SLC30A9: variants seen among roughly 807,000 people sequenced by gnomAD.
The protein encoded by SLC30A9 is proton-coupled zinc antiporter SLC30A9, mitochondrial.
Under a neutral mutation model 87.5 loss-of-function variants are expected in SLC30A9, and 58 were observed. That is an observed-to-expected ratio of 0.66 (90% CI 0.54 to 0.82). SLC30A9 has a LOEUF of 0.82. Among genes scored for constraint, SLC30A9 ranks in the 40% least tolerant of loss-of-function variants. SLC30A9 has a pLI of 0.00. For synonymous variants in SLC30A9, 234 were observed against 233.0 expected, an observed-to-expected ratio of 1.00 and a Z score of -0.04; for missense variants, 557 against 679.1, an observed-to-expected ratio of 0.82 and a Z score of 2.00.
chr4:42,002,164 T>C (rs566113679), intron 2 of SLC30A9, among the ~76,000 whole-genome samples: 7 of 152,080 alleles, frequency 4.6e-5, no homozygotes, highest in Non-Finnish European at 4.4e-5. Flanking sequence ...TTTTTTTACT[T>C]TGAACCATTA....
chr4:42,032,422 G>T (rs533981047), intron 6 of SLC30A9, among the ~76,000 whole-genome samples: 1 of 152,302 alleles, frequency 6.6e-6, no homozygotes, highest in Non-Finnish European at 1.5e-5. Context: ...GTAACTAGAA[G>T]CCTTGGAGTA....
intron 8 of SLC30A9, among the ~76,000 whole-genome samples, chr4:42,048,287 A>G (rs1717251276): frequency 1.3e-5 from 2 of 152,182 alleles, no homozygotes; most frequent in South Asian, 4.1e-4. Context: ...TGCTCCCAGG[A>G]GGTTAAGAGA....
At chr4:42,019,221 G>A (rs1282266829) in intron 3 of SLC30A9, among the ~76,000 whole-genome samples, 3 of 152,128 alleles carry the variant, frequency 2.0e-5, no homozygotes, top group Non-Finnish European at 4.4e-5. Context: ...AATAGAACAT[G>A]AAGTGAATAG....
At chr4:42,063,604 A>G (rs1034122565) in intron 11 of SLC30A9, among the ~76,000 whole-genome samples, 8 of 152,362 alleles carry the variant, frequency 5.3e-5, no homozygotes, top group Admixed American at 3.9e-4. Context: ...GATCACCCGT[A>G]TGATCCCCTC....
chr4:42,003,215 T>A (rs114205849), intron 2 of SLC30A9, among the ~76,000 whole-genome samples: 2,005 of 152,306 alleles, frequency 0.013, 23 homozygotes, highest in South Asian at 0.023. Flanking sequence ...TCTTGAAATT[T>A]GTTGAGTGTA....
chr4:42,067,265 CTT>C (rs1382053520), intron 14 of SLC30A9, 73 bp downstream of exon 14: 3 of 932,220 alleles, frequency 3.2e-6, no homozygotes, highest in African/African-American at 3.3e-5. Context: ...GGAATTTTCT[CTT>C]ATATCATTGA....
intron 7 of SLC30A9, among the ~76,000 whole-genome samples, chr4:42,037,815 G>A (rs1383892004): frequency 6.6e-6 from 1 of 152,086 alleles, no homozygotes; most frequent in African/African-American, 2.4e-5. Context: ...TTGAGACAGA[G>A]TATTGCTGTG....
At chr4:42,037,143 C>T (rs1577700106) in intron 7 of SLC30A9, among the ~76,000 whole-genome samples, 1 of 151,894 alleles carries the variant, frequency 6.6e-6, no homozygotes, top group Non-Finnish European at 1.5e-5. Context: ...TACTGTACCC[C>T]TATTCCCTTT....
chr4:42,010,978 A>AC (rs1194468030), intron 2 of SLC30A9, among the ~76,000 whole-genome samples: 1 of 151,790 alleles, frequency 6.6e-6, no homozygotes, highest in Non-Finnish European at 1.5e-5. Context: ...TTATCCACCC[A>AC]CCCCCACAGA....
intron 8 of SLC30A9, among the ~76,000 whole-genome samples, chr4:42,048,801 A>G (rs16853930): frequency 0.67 from 101,561 of 152,158 alleles, 37,581 homozygotes; most frequent in East Asian, 0.96. Context: ...ATAGAAGACC[A>G]TCTTTTCTCA....
At chr4:42,058,547 T>C (rs1195356143) in intron 9 of SLC30A9, among the ~76,000 whole-genome samples, 3 of 152,210 alleles carry the variant, frequency 2.0e-5, no homozygotes, top group Admixed American at 1.3e-4. Flanking sequence ...CAATTTACTG[T>C]ATTATTCTGT....
At chr4:42,071,235 T>C (rs1288090820) in intron 15 of SLC30A9, among the ~76,000 whole-genome samples, 1 of 152,134 alleles carries the variant, frequency 6.6e-6, no homozygotes, top group Non-Finnish European at 1.5e-5. Flanking sequence ...ATTCTAATAG[T>C]GCTTTTCAGT....
At chr4:42,042,483 G>A (rs906786427) in intron 8 of SLC30A9, among the ~76,000 whole-genome samples, 4 of 152,150 alleles carry the variant, frequency 2.6e-5, no homozygotes, top group Admixed American at 6.5e-5. Context: ...AGAACCCACC[G>A]TAGCTCAGCA....
At chr4:42,020,844 C>T (rs1296411416) in intron 4 of SLC30A9, 15 of 182,382 alleles carry the variant, frequency 8.2e-5, no homozygotes, top group Non-Finnish European at 1.5e-4. Flanking sequence ...AGATTATTTG[C>T]GTATTTGTAT....
intron 6 of SLC30A9, among the ~76,000 whole-genome samples, chr4:42,032,210 A>AC (rs35393255): frequency 8.9e-5 from 13 of 145,656 alleles, no homozygotes; most frequent in South Asian, 2.4e-4. Flanking sequence ...TGACCCAGTT[A>AC]CCCCCCCACC....
At chr4:42,080,152 T>C (rs1428129301) in intron 17 of SLC30A9, among the ~76,000 whole-genome samples, 1 of 152,172 alleles carries the variant, frequency 6.6e-6, no homozygotes, top group Non-Finnish European at 1.5e-5. Flanking sequence ...TTTGGTGTTA[T>C]AACAGCTGGT....
chr4:42,009,546 A>G (rs1291676330), intron 2 of SLC30A9, among the ~76,000 whole-genome samples: 2 of 152,222 alleles, frequency 1.3e-5, no homozygotes, highest in African/African-American at 4.8e-5. Flanking sequence ...ATGTCTAGCG[A>G]TATTCATGGA....
At chr4:42,074,934 G>T (rs1437458116) in intron 15 of SLC30A9, among the ~76,000 whole-genome samples, 1 of 144,446 alleles carries the variant, frequency 6.9e-6, no homozygotes, top group African/African-American at 2.6e-5. Context: ...TTTTTATATG[G>T]CATTTAGGAA....
intron 2 of SLC30A9, among the ~76,000 whole-genome samples, chr4:42,012,598 T>C (rs1320296009): frequency 6.6e-6 from 1 of 152,176 alleles, no homozygotes; most frequent in Non-Finnish European, 1.5e-5. Flanking sequence ...TATCCTTTGG[T>C]TTATAAACCA....
Sources: allele counts gnomAD v4.1 joint callset (sites outside exome capture counted in the v4.1 genomes callset), GRCh38; gene constraint gnomAD v4.1.1; transcripts MANE v1.5; gene names NCBI Gene and HGNC (gene_info 2026-07-23, HGNC 2026-07-21).